The following PHACTR3 variants were observed in gnomAD, a reference collection of about 807,000 sequenced individuals.
PHACTR3 encodes the protein phosphatase and actin regulator 3, also known as protein phosphatase 1, regulatory subunit 123.
In PHACTR3, 16 loss-of-function variants were observed where a neutral mutation model predicts 66.8. The ratio of observed to expected loss-of-function variants is 0.24; its 90% CI spans 0.16 to 0.36. PHACTR3 has a LOEUF of 0.36. PHACTR3 is among the 10% of genes least tolerant of loss of function. The pLI is 1.00. For missense variants in PHACTR3, 647 were observed against 719.9 expected (o/e 0.90, Z 1.16); for synonymous variants, 323 against 292.1 (o/e 1.11, Z -1.08).
chr20:59,625,788 G>T (rs555382908), intron 1 of PHACTR3, among the ~76,000 whole-genome samples: 1 of 152,252 alleles, frequency 6.6e-6, no homozygotes, highest in African/African-American at 2.4e-5. Flanking sequence ...TCTCACCCTT[G>T]TTACGCTGGG....
At chr20:59,588,904 C>G (rs1021742811) in intron 1 of PHACTR3, among the ~76,000 whole-genome samples, 3 of 152,264 alleles carry the variant, frequency 2.0e-5, no homozygotes, top group Non-Finnish European at 4.4e-5. Context: ...AATGAAGGGT[C>G]TACTTCCCAT....
In PHACTR3 at chr20:59,743,210, C is replaced by G; in HGVS notation, c.222C>G (p.Ile74Met). The G allele has an allele frequency of 1.9e-6, 3 of 1,614,126 alleles. No homozygotes were observed. Among genetic ancestry groups the G allele is most frequent in the Non-Finnish European group, 2.5e-6 (3 of 1,179,982 alleles). Reference sequence around the variant, plus strand: ...GCAAACTGGCCACCCTGGGCAGGATCTTCAAACCCTGGAAATGGAGGAAAA... The same window carrying G: ...GCAAACTGGCCACCCTGGGCAGGATGTTCAAACCCTGGAAATGGAGGAAAA... Reference protein sequence around the residue: ...RNSKLATLGRIFKPWKWRKKK... With the variant: ...RNSKLATLGRMFKPWKWRKKK... Residue 74 changes from isoleucine to methionine, a missense_variant, in exon 2 of 13, where the codon ATC becomes ATG. Around this residue, in one of 2 missense-constraint regions of PHACTR3, gnomAD observed 577 missense variants for 571.1 expected, o/e 1.01. Coordinates refer to ENST00000371015, the MANE Select transcript of PHACTR3 (RefSeq NM_080672.5).
chr20:59,741,356 G>T (rs1274265254), intron 1 of PHACTR3, among the ~76,000 whole-genome samples: 1 of 152,246 alleles, frequency 6.6e-6, no homozygotes, highest in African/African-American at 2.4e-5. Context: ...TGTGGTAGCA[G>T]CCGTGCTGGG....
chr20:59,742,573 G>T (rs1196205394), intron 1 of PHACTR3, among the ~76,000 whole-genome samples: 2 of 152,196 alleles, frequency 1.3e-5, no homozygotes, highest in East Asian at 3.9e-4. Flanking sequence ...CCCTAGAAGA[G>T]GTGGCAGCCT....
Position 59,774,253 on chromosome 20 carries a change from A to G in PHACTR3, c.937A>G (p.Arg313Gly), listed in dbSNP as rs777837894. ...ATCTTTCTGGTTTAGTTTTCAAGGA[A>G]GAGAAAGTAAAGGGTCTCCAAAGAA... The part of the protein sequence containing the change: ...TKHRQDSFQG[R>G]ESKGSPKKRL... Residue 313 changes from arginine to glycine, a missense_variant, in exon 7 of 13, where the codon AGA (arginine) becomes GGA (glycine). Arg to Gly is a moderately radical substitution (Grantham distance 125). Transcript: ENST00000371015. 3 of 1,586,620 alleles carry G rather than the reference A, an allele frequency of 1.9e-6. No homozygotes were observed. The highest frequency in any genetic ancestry group is 1.8e-5 in the Admixed American group (1 of 54,216).
chr20:59,810,415 C>T (rs900755984), intron 8 of PHACTR3, among the ~76,000 whole-genome samples: 11 of 152,196 alleles, frequency 7.2e-5, no homozygotes, highest in African/African-American at 2.2e-4. Context: ...AAAACAGCAG[C>T]GGAGTAGCAG....
intron 1 of PHACTR3, among the ~76,000 whole-genome samples, chr20:59,708,219 T>C (rs1173743919): frequency 1.3e-5 from 2 of 152,172 alleles, no homozygotes; most frequent in Non-Finnish European, 2.9e-5. Flanking sequence ...TTCATCAGGA[T>C]AAGCTGGGCA....
At chr20:59,790,314 G>C (rs1392974669) in intron 7 of PHACTR3, among the ~76,000 whole-genome samples, 1 of 152,134 alleles carries the variant, frequency 6.6e-6, no homozygotes, top group Non-Finnish European at 1.5e-5. Flanking sequence ...GAGAGTATCT[G>C]AGACTGGTTC....
At chr20:59,722,862 G>A (rs911488668) in intron 1 of PHACTR3, among the ~76,000 whole-genome samples, 7 of 152,000 alleles carry the variant, frequency 4.6e-5, no homozygotes, top group South Asian at 2.1e-4. Context: ...ACCGCAGCTT[G>A]TAAGAGGCAA....
chr20:59,709,647 G>A (rs570474725), intron 1 of PHACTR3, among the ~76,000 whole-genome samples: 192 of 152,298 alleles, frequency 1.3e-3, no homozygotes, highest in African/African-American at 4.5e-3. Context: ...GACTTCAAAT[G>A]TGAGAGTTAG....
chr20:59,710,153 C>T (rs888510316), intron 1 of PHACTR3, among the ~76,000 whole-genome samples: 4 of 152,158 alleles, frequency 2.6e-5, no homozygotes, highest in African/African-American at 7.2e-5. Context: ...TTTAAATCCT[C>T]TCTAGTTCAC....
At chr20:59,726,096 GA>G (rs2038552422) in intron 1 of PHACTR3, among the ~76,000 whole-genome samples, 1 of 152,192 alleles carries the variant, frequency 6.6e-6, no homozygotes, top group Admixed American at 6.5e-5. Context: ...TCGATGGCAC[GA>G]GCCCAGTTGA....
rs141683471 is a variant in PHACTR3, at chr20:59,815,099, C to T, written c.1328+8905C>T. 3.2e-4 allele frequency among the ~76,000 whole-genome samples: 49 copies of T among 152,238 alleles called. No individual in the cohort carries two copies. The East Asian group carries it at 4.5e-3, about 14-fold the overall frequency. On this transcript the variant is annotated intron_variant, in intron 8 of 12. Transcript: ENST00000371015. ...TGGGAAGTTCAGGGAACCCTCGACT[C>T]GAAGAGGGTTCTTGTTAATGAACAG... is the stretch of plus-strand genomic sequence containing the variant.
intron 1 of PHACTR3, among the ~76,000 whole-genome samples, chr20:59,595,664 G>C (rs186874975): frequency 6.6e-6 from 1 of 152,062 alleles, no homozygotes; most frequent in Non-Finnish European, 1.5e-5. Context: ...GGGTCTGTTC[G>C]TTTCTGATAG....
At chr20:59,676,729 A>G (rs2426809) in intron 1 of PHACTR3, 583,917 of 983,450 alleles carry the variant, frequency 0.59, 178,788 homozygotes, top group East Asian at 0.94. Flanking sequence ...TGGGGAAGAT[A>G]AAGCCCTTCA....
Position 59,605,112 on chromosome 20 carries a change from C to A in PHACTR3, c.98C>A (p.Ala33Glu). 2 of 1,341,500 alleles carry A rather than the reference C, an allele frequency of 1.5e-6. No individual in the cohort carries two copies. Among genetic ancestry groups the A allele is most frequent in the South Asian group, 1.8e-5 (1 of 55,236 alleles). The allele number at this position is 1,341,500 out of a possible 1,614,324, so 83.1% of individuals were successfully genotyped here. A position where few individuals can be genotyped will look rare whatever the true frequency, so the allele number is the denominator to read the frequency against. ...VLTDSSATSS[A>E]DAGENPDEMD... is the part of the protein sequence containing the mutation. The stretch of plus-strand genomic sequence containing the variant: ...ACCGACTCCTCGGCCACCTCCTCCG[C>A]GGACGCCGGGGAGAACCCAGGTAAC... The change falls in exon 1 of 13, where the codon GCG (alanine) becomes GAG (glutamate). Residue 33 changes from alanine to glutamate, a missense_variant. Ala to Glu is a moderately radical substitution (Grantham distance 107). Transcript: ENST00000371015.
chr20:59,734,553 T>G (rs61531216), intron 1 of PHACTR3, among the ~76,000 whole-genome samples: 8,672 of 152,250 alleles, frequency 0.057, 401 homozygotes, highest in South Asian at 0.12. Flanking sequence ...TTCTGTTTGT[T>G]TGTTTTTTTC....
chr20:59,788,100 C>G (rs1228138592), intron 7 of PHACTR3, among the ~76,000 whole-genome samples: 1 of 152,068 alleles, frequency 6.6e-6, no homozygotes, highest in Non-Finnish European at 1.5e-5. Flanking sequence ...TATCCTTTGC[C>G]CCCCTCCCAC....
At chr20:59,706,026 A>G (rs556512031) in intron 1 of PHACTR3, among the ~76,000 whole-genome samples, 2 of 152,328 alleles carry the variant, frequency 1.3e-5, no homozygotes, top group East Asian at 3.9e-4. Flanking sequence ...CACCAATTCC[A>G]AGTCAGCAGG....
Sources: gnomAD v4.1 joint callset for allele counts (sites outside exome capture counted in the v4.1 genomes callset) on GRCh38, gnomAD v4.1.1 for gene constraint, gnomAD v4.1.1 regional missense constraint, MANE v1.5 for transcripts, NCBI Gene and HGNC (gene_info 2026-07-23, HGNC 2026-07-21) for gene names.